The following GABRA5 variants were observed in gnomAD, a reference collection of about 807,000 sequenced individuals.
GABRA5 encodes the protein gamma-aminobutyric acid receptor subunit alpha-5.
Under a neutral mutation model 47.3 loss-of-function variants are expected in GABRA5, and 18 were observed. The observed-to-expected ratio is 0.38, with a 90% CI of 0.26 to 0.56. The LOEUF (loss-of-function observed/expected upper bound fraction) is 0.56. Among genes scored for constraint, GABRA5 ranks in the 20% least tolerant of loss-of-function variants. The pLI, the probability that GABRA5 is intolerant of heterozygous loss-of-function variation, is 0.71. For missense variants in GABRA5, 365 were observed against 599.3 expected, an observed-to-expected ratio of 0.61 and a Z score of 4.08; for synonymous variants, 237 against 229.3, an observed-to-expected ratio of 1.03 and a Z score of -0.30.
At chr15:26,907,528 T>C (rs934728645) in intron 6 of GABRA5, among the ~76,000 whole-genome samples, 1 of 152,150 alleles carries the variant, frequency 6.6e-6, no homozygotes, top group African/African-American at 2.4e-5. Flanking sequence ...TAAAGATCCT[T>C]AGGAGGTTGG....
chr15:26,889,447 GTTC>G (rs1892953300), intron 6 of GABRA5, among the ~76,000 whole-genome samples: 1 of 151,376 alleles, frequency 6.6e-6, no homozygotes, highest in Admixed American at 6.6e-5. Context: ...AGTCTGTTTC[GTTC>G]TTATTTGAAA....
At chr15:26,869,985 C>A (rs139286632) in intron 3 of GABRA5, among the ~76,000 whole-genome samples, 231 of 152,272 alleles carry the variant, frequency 1.5e-3, no homozygotes, top group African/African-American at 5.4e-3. Context: ...CTAGTGATAA[C>A]CCACATCGTG....
chr15:26,883,113 C>A lies in GABRA5; in HGVS notation c.209-53C>A. 1 of 1,442,288 alleles carries A rather than the reference C, an allele frequency of 6.9e-7. No individual in the cohort carries two copies. Among genetic ancestry groups the A allele is most frequent in the Non-Finnish European group, 9.8e-7 (1 of 1,023,064 alleles). 89.3% of individuals were successfully genotyped at this position (1,442,288 alleles called of 1,614,324 possible). On this transcript the variant is annotated intron_variant, in intron 4 of 10. Transcript: ENST00000335625. The surrounding 1 kb of genome is among the most constrained non-coding windows in gnomAD (Gnocchi z 4.8). ...ACTGGACTGAGAGCACGAGAGTGTG[C>A]CAGACGCGCAGGGTGGGTCGGTGCA...
chr15:26,913,933 C>G (rs1893660507), intron 6 of GABRA5, among the ~76,000 whole-genome samples: 1 of 152,154 alleles, frequency 6.6e-6, no homozygotes, highest in Non-Finnish European at 1.5e-5. Flanking sequence ...GCTCTGCATT[C>G]TAGGCCCCGA....
chr15:26,904,355 G>T (rs1221892066), intron 6 of GABRA5, among the ~76,000 whole-genome samples: 2 of 152,008 alleles, frequency 1.3e-5, no homozygotes, highest in Non-Finnish European at 2.9e-5. Flanking sequence ...ATGCTGTTTT[G>T]GTTACTGTAC....
At chr15:26,881,451 A>G (rs747911416) in intron 4 of GABRA5, among the ~76,000 whole-genome samples, 1 of 152,188 alleles carries the variant, frequency 6.6e-6, no homozygotes. Context: ...GTGCTTCACT[A>G]TGGCCATAGT....
Position 26,948,060 on chromosome 15 carries a change from A to T in GABRA5, c.1216A>T (p.Lys406Ter). ...GTCGAATACAACCTCAGTCTCAGTA[A>T]AACCCTCTGAAGAGAAGACTTCTGA... ...GTSNTTSVSV[K>*]PSEEKTSESK... Residue 406 changes from lysine to a stop codon, truncating the protein, a stop_gained, in exon 11 of 11, where the codon AAA becomes TAA. Transcript: ENST00000335625. LOFTEE classifies it high-confidence loss of function. 1.2e-6 allele frequency: 2 copies of T among 1,609,526 alleles called. No homozygotes were observed. The highest frequency in any genetic ancestry group is 1.7e-6 in the Non-Finnish European group (2 of 1,177,740).
rs2140611879 is a variant in GABRA5 at position 26,948,867 on chromosome 15, A to C, written c.*634A>C. On this transcript the variant is annotated 3_prime_UTR_variant, in exon 11 of 11. Coordinates refer to ENST00000335625, the MANE Select transcript of GABRA5 (RefSeq NM_000810.4). Reference sequence around the variant, plus strand: ...GATACACAAAATATTTCCCTGAGGAAAAAAAATCAACTGCTTAAATTTTTT... The same window carrying C: ...GATACACAAAATATTTCCCTGAGGACAAAAAATCAACTGCTTAAATTTTTT... 1 of 152,346 alleles carries C rather than the reference A, an allele frequency of 6.6e-6. No homozygotes were observed. Among genetic ancestry groups the C allele is most frequent in the East Asian group, 1.9e-4 (1 of 5,182 alleles). The allele number at this position is 152,346 out of a possible 1,614,324, so 9.4% of individuals were successfully genotyped here.
chr15:26,885,552 C>T (rs1677395248), intron 6 of GABRA5, among the ~76,000 whole-genome samples: 1 of 152,204 alleles, frequency 6.6e-6, no homozygotes, highest in South Asian at 2.1e-4. Flanking sequence ...GCCTAGAGCA[C>T]ACAACTTGGC....
chr15:26,884,921 G>A (rs12914731), intron 6 of GABRA5, among the ~76,000 whole-genome samples: 56,473 of 151,946 alleles, frequency 0.37, 11,052 homozygotes, highest in Non-Finnish European at 0.43. Context: ...TATGGTTTGC[G>A]GAGGCATAAT....
At chr15:26,916,342 A>AT (rs1262024299) in intron 7 of GABRA5, among the ~76,000 whole-genome samples, 3 of 151,808 alleles carry the variant, frequency 2.0e-5, no homozygotes, top group Non-Finnish European at 2.9e-5. Flanking sequence ...TCTTTTCCTC[A>AT]TTTTTGTATT....
intron 6 of GABRA5, among the ~76,000 whole-genome samples, chr15:26,911,046 G>A (rs967221727): frequency 2.0e-5 from 3 of 152,082 alleles, no homozygotes; most frequent in African/African-American, 7.2e-5. Context: ...TAGAGGGATC[G>A]AAAATTTAAA....
At chr15:26,932,650 T>C (rs1214051910) in intron 7 of GABRA5, among the ~76,000 whole-genome samples, 2 of 152,186 alleles carry the variant, frequency 1.3e-5, no homozygotes, top group East Asian at 1.9e-4. Flanking sequence ...TATTCTATTA[T>C]AAAGATACAT....
intron 7 of GABRA5, among the ~76,000 whole-genome samples, chr15:26,919,038 G>A (rs915293009): frequency 6.6e-6 from 1 of 152,126 alleles, no homozygotes; most frequent in Non-Finnish European, 1.5e-5. Flanking sequence ...AGCTATTTGG[G>A]AGGATGAGGC....
chr15:26,876,401 G>C (rs1378330170), intron 3 of GABRA5, among the ~76,000 whole-genome samples: 1 of 152,170 alleles, frequency 6.6e-6, no homozygotes, highest in African/African-American at 2.4e-5. Context: ...GCATGCTTGT[G>C]TTCTGAGGTC....
chr15:26,904,165 C>G (rs1228773440), intron 6 of GABRA5, among the ~76,000 whole-genome samples: 12 of 152,062 alleles, frequency 7.9e-5, no homozygotes, highest in Admixed American at 7.9e-4. Flanking sequence ...AAAAGGGGTA[C>G]AGTTTCAATC....
chr15:26,878,449 G>A (rs1892650238), intron 3 of GABRA5, among the ~76,000 whole-genome samples: 1 of 152,068 alleles, frequency 6.6e-6, no homozygotes, highest in East Asian at 1.9e-4. Flanking sequence ...TGCAGATGAA[G>A]CATTTTTGAG....
At chr15:26,907,136 A>G (rs1893463869) in intron 6 of GABRA5, among the ~76,000 whole-genome samples, 1 of 152,224 alleles carries the variant, frequency 6.6e-6, no homozygotes, top group African/African-American at 2.4e-5. Flanking sequence ...AAAATAATTC[A>G]TGAAATCTGT....
chr15:26,869,345 A>C lies in GABRA5; in HGVS notation c.86+11A>C. The stretch of plus-strand genomic sequence containing the variant: ...ATCCAGTCACTTTGGGTAAGTTACC[A>C]TCTGTGCTTTTATTTTATGATGTTA... On this transcript the variant is annotated intron_variant, in intron 3 of 10. Coordinates refer to ENST00000335625, the MANE Select transcript of GABRA5 (RefSeq NM_000810.4). The C allele has an allele frequency of 6.6e-7, 1 of 1,526,360 alleles. No individual in the cohort carries two copies. The highest frequency in any genetic ancestry group is 9.1e-7 in the Non-Finnish European group (1 of 1,100,194). 94.6% of individuals were successfully genotyped at this position (1,526,360 alleles called of 1,614,324 possible). A position where few individuals can be genotyped will look rare whatever the true frequency, so the allele number is the denominator to read the frequency against.
Sources: allele counts gnomAD v4.1 joint callset (sites outside exome capture counted in the v4.1 genomes callset), GRCh38; gene constraint gnomAD v4.1.1; non-coding constraint Gnocchi (gnomAD v3.1); transcripts MANE v1.5; gene names NCBI Gene and HGNC (gene_info 2026-07-23, HGNC 2026-07-21).